The following ASTN1 variants were observed in gnomAD, a reference collection of about 807,000 sequenced individuals.
ASTN1 encodes the protein astrotactin-1.
In ASTN1, 41 loss-of-function variants were observed where a neutral mutation model predicts 140.7. The observed-to-expected ratio is 0.29, with a 90% confidence interval of 0.23 to 0.38. The LOEUF (loss-of-function observed/expected upper bound fraction) is 0.38, where lower values mean the gene tolerates loss of function less well. Among genes scored for constraint, ASTN1 ranks in the 10% least tolerant of loss-of-function variants. The pLI is 1.00. For synonymous variants in ASTN1, 640 were observed against 652.2 expected, an observed-to-expected ratio of 0.98 and a Z score of 0.29; for missense variants, 1,479 against 1,678.8, an observed-to-expected ratio of 0.88 and a Z score of 2.08.
chr1:177,051,174 T>C (rs1471377642), intron 2 of ASTN1, among the ~76,000 whole-genome samples: 1 of 152,260 alleles, frequency 6.6e-6, no homozygotes, highest in African/African-American at 2.4e-5. Context: ...GTGACAATTA[T>C]AATCAATCTG....
chr1:177,103,025 G>A (rs564780121), intron 1 of ASTN1, among the ~76,000 whole-genome samples: 1 of 152,270 alleles, frequency 6.6e-6, no homozygotes, highest in East Asian at 1.9e-4. Flanking sequence ...TACTGCAAAA[G>A]GATGATAACA....
Position 176,880,214 on chromosome 1 carries a change from C to T in ASTN1, c.3362+2645G>A, listed in dbSNP as rs574155558. 2.1e-4 allele frequency among the ~76,000 whole-genome samples: 32 copies of T among 152,266 alleles called. No homozygotes were observed. The South Asian group carries it at 2.3e-3, about 11-fold the overall frequency. ...AACGGAGGCCTGTGTGAGTGCGCACCGACACAGAACAGCTCTGCTTCCAAA... is the reference window on the plus strand; with the variant it reads ...AACGGAGGCCTGTGTGAGTGCGCACTGACACAGAACAGCTCTGCTTCCAAA... On this transcript the variant is annotated intron_variant, in intron 20 of 22. Transcript: ENST00000361833.
intron 16 of ASTN1, among the ~76,000 whole-genome samples, chr1:176,905,804 G>A: frequency 6.6e-6 from 1 of 152,170 alleles, no homozygotes; most frequent in East Asian, 1.9e-4. Context: ...CTCTGCAGCT[G>A]CCTCTCCCAG....
chr1:176,885,243 T>C (rs1430273425), intron 18 of ASTN1, among the ~76,000 whole-genome samples: 13 of 152,178 alleles, frequency 8.5e-5, no homozygotes, highest in Admixed American at 8.5e-4. Flanking sequence ...TTTCCTTGCT[T>C]TTCTCACTTC....
chr1:176,926,008 C>T lies in ASTN1; in HGVS notation c.2671+8144G>A, dbSNP rs143864770. Among the ~76,000 whole-genome samples, 17 of 152,088 alleles carry T rather than the reference C, an allele frequency of 1.1e-4. 1 individual carries two copies. Among genetic ancestry groups the T allele is most frequent in the Admixed American group, 4.6e-4 (7 of 15,276 alleles). On this transcript the variant is annotated intron_variant, in intron 16 of 22. Transcript: ENST00000361833. ...TTTTTTAGTAGAGACGGGGTTTCAC[C>T]GTGTTAGCCAGGATGGTCTCGATCT... is the stretch of plus-strand genomic sequence containing the variant.
At position 177,032,650 on chromosome 1, in the gene ASTN1, C is replaced by T. The variant is rs1430735530; in HGVS notation, c.671G>A (p.Gly224Asp). The T allele has an allele frequency of 1.9e-6, 3 of 1,614,078 alleles. No homozygotes were observed. Among genetic ancestry groups the T allele is most frequent in the African/African-American group, 2.7e-5 (2 of 74,934 alleles). Reference sequence around the variant, plus strand: ...GCTCAGGGTGCCACTGGAGTTGTGGCCCTGCACGCGGGCATTGCGCAGGCT... The same window carrying T: ...GCTCAGGGTGCCACTGGAGTTGTGGTCCTGCACGCGGGCATTGCGCAGGCT... ...RESLRNARVQ[G>D]HNSSGTLSIR... Residue 224 changes from glycine (G) to aspartate (D), a missense_variant, in exon 3 of 23, where the codon GGC becomes GAC. Gly to Asp is a moderately conservative substitution (Grantham distance 94). Coordinates refer to ENST00000361833, the MANE Select transcript of ASTN1 (RefSeq NM_004319.3).
intron 1 of ASTN1, among the ~76,000 whole-genome samples, chr1:177,140,645 T>C (rs1682423238): frequency 6.6e-6 from 1 of 152,222 alleles, no homozygotes. Context: ...CATTCCTTAC[T>C]ATCTATTCTC....
chr1:176,948,682 C>T (rs1244094573), intron 12 of ASTN1, among the ~76,000 whole-genome samples: 2 of 152,168 alleles, frequency 1.3e-5, no homozygotes, highest in African/African-American at 4.8e-5. Flanking sequence ...ACGGAGGAAT[C>T]ACTGTGCCTC....
rs762688012 is a variant in ASTN1, at chr1:176,868,958, T to C, written c.3533A>G (p.Asn1178Ser). 5 of 1,612,652 alleles carry C rather than the reference T, an allele frequency of 3.1e-6. No homozygotes were observed. Among genetic ancestry groups the C allele is most frequent in the African/African-American group, 2.7e-5 (2 of 74,900 alleles). Residue 1178 changes from asparagine to serine, a missense_variant, in exon 22 of 23, where the codon AAC becomes AGC. Asn to Ser is a conservative substitution (Grantham distance 46, BLOSUM62 1). Coordinates refer to ENST00000361833, the MANE Select transcript of ASTN1 (RefSeq NM_004319.3). ...TSGKEQQTAY[N>S]TLLDLGSPTL... ...GGGGGAACCCAGATCCAGGAGGGTG[T>C]TGTAGGCGGTCTGCTGCTCCTTCCC...
rs764654112 is a variant in ASTN1, at chr1:176,884,426, C to T, written c.3139G>A (p.Glu1047Lys). 4 of 1,614,170 alleles carry T rather than the reference C, an allele frequency of 2.5e-6. No individual in the cohort carries two copies. In the South Asian group the frequency reaches 4.4e-5, roughly 18 times the overall value. The change falls in exon 19 of 23, where the codon GAG (glutamate) becomes AAG (lysine). Residue 1047 changes from glutamate (E) to lysine (K), a missense_variant. Coordinates refer to ENST00000361833, the MANE Select transcript of ASTN1 (RefSeq NM_004319.3). ...TLVVLEWEHS[E>K]PPIGVQIVDY... ...ACAATCTGCACCCCGATTGGTGGCT[C>T]TGAGTGTTCCCACTCCAGGACCACA...
chr1:176,891,552 C>A (rs778914288), intron 17 of ASTN1, among the ~76,000 whole-genome samples: 1 of 152,120 alleles, frequency 6.6e-6, no homozygotes, highest in Non-Finnish European at 1.5e-5. Context: ...CCAACACTTT[C>A]GGAGGTCGAG....
At chr1:176,917,991 G>C (rs1557958863) in intron 16 of ASTN1, among the ~76,000 whole-genome samples, 1 of 152,092 alleles carries the variant, frequency 6.6e-6, no homozygotes. Context: ...AGCTTTTGCA[G>C]TTATAGTACT....
chr1:176,971,260 C>T (rs576713097), intron 8 of ASTN1, among the ~76,000 whole-genome samples: 11 of 152,000 alleles, frequency 7.2e-5, no homozygotes, highest in African/African-American at 1.2e-4. Context: ...ATTGGCTGAA[C>T]CATCACATGC....
chr1:176,928,694 G>GCCC (rs1373380998), intron 16 of ASTN1, among the ~76,000 whole-genome samples: 3 of 152,178 alleles, frequency 2.0e-5, no homozygotes, highest in African/African-American at 7.2e-5. Flanking sequence ...AACTAGGGAA[G>GCCC]TCTTAGTCCT....
chr1:177,109,001 AAAAAAG>A (rs961284836), intron 1 of ASTN1, among the ~76,000 whole-genome samples: 1 of 152,114 alleles, frequency 6.6e-6, no homozygotes, highest in Non-Finnish European at 1.5e-5. Context: ...AAAGCACGCA[AAAAAAG>A]AAAAAGAAAA....
Position 176,864,398 on chromosome 1 carries a change from C to T in ASTN1, c.3771G>A (p.Glu1257=). 6.2e-7 allele frequency: 1 copy of T among 1,614,122 alleles called. No individual in the cohort carries two copies. Among genetic ancestry groups the T allele is most frequent in the Non-Finnish European group, 8.5e-7 (1 of 1,180,024 alleles). The change falls in exon 23 of 23, where the codon GAG becomes GAA. Residue 1257 remains glutamate, a synonymous_variant. Coordinates refer to ENST00000361833, the MANE Select transcript of ASTN1 (RefSeq NM_004319.3). The part of the protein sequence containing the change: ...SLKYLGCRYS[E]IKPYGLDWAE... ...CCCAGTCAAGTCCGTAGGGTTTGAT[C>T]TCGCTGTAGCGGCACCCCAGGTACT...
intron 4 of ASTN1, 31 bp from the exon 5 acceptor site, chr1:177,029,772 G>A (rs746916891): frequency 5.1e-6 from 8 of 1,580,620 alleles, no homozygotes; most frequent in South Asian, 1.1e-5. Flanking sequence ...TCAAGAAAGC[G>A]TTTTCAGTTC....
intron 16 of ASTN1, among the ~76,000 whole-genome samples, chr1:176,919,966 G>A (rs1670661872): frequency 2.0e-5 from 3 of 152,130 alleles, no homozygotes; most frequent in African/African-American, 7.2e-5. Context: ...TATTTTAACT[G>A]GCAGATTTAT....
At chr1:177,062,208 T>A (rs555133219) in intron 1 of ASTN1, among the ~76,000 whole-genome samples, 44 of 152,158 alleles carry the variant, frequency 2.9e-4, no homozygotes, top group Non-Finnish European at 5.7e-4. Context: ...TGAACATGTG[T>A]TTAGTAAACC....
Sources: allele counts gnomAD v4.1 joint callset (sites outside exome capture counted in the v4.1 genomes callset), GRCh38; gene constraint gnomAD v4.1.1; transcripts MANE v1.5; gene names NCBI Gene and HGNC (gene_info 2026-07-23, HGNC 2026-07-21).